Variants in MICAL2 observed in about 807,000 individuals in gnomAD.
The protein encoded by MICAL2 is microtubule associated monooxygenase, calponin and LIM domain containing 2, also known as [F-actin]-monooxygenase MICAL2.
In MICAL2, 77 loss-of-function variants were observed where a neutral mutation model predicts 127.3. The observed-to-expected ratio is 0.60, with a 90% CI of 0.50 to 0.73. MICAL2 has a LOEUF of 0.73. MICAL2 is among the 30% of genes least tolerant of loss of function. The pLI is 0.00. For synonymous variants in MICAL2, 570 were observed against 551.1 expected (o/e 1.03, Z -0.48); for missense variants, 1,351 against 1,434.4 (o/e 0.94, Z 0.94).
In MICAL2 at chr11:12,169,178, T is replaced by C. The variant is rs112851376; in HGVS notation, c.264+6759T>C. The stretch of plus-strand genomic sequence containing the variant: ...TCTGCATGTTTGTGGATGTGTGTTA[T>C]GGATGCATGCACTGCCCCCTTTATT... On this transcript the variant is annotated intron_variant, in intron 3 of 27. Coordinates refer to ENST00000683283, the MANE Select transcript of MICAL2 (RefSeq NM_001282663.2). Among the ~76,000 whole-genome samples the C allele has an allele frequency of 2.9e-3, 444 of 152,184 alleles. 2 individuals carry two copies. The highest frequency in any genetic ancestry group is 0.01 in the African/African-American group (418 of 41,518).
chr11:12,194,540 T>G (rs908811657), intron 3 of MICAL2, among the ~76,000 whole-genome samples: 1 of 152,242 alleles, frequency 6.6e-6, no homozygotes, highest in African/African-American at 2.4e-5. Context: ...TTTCCCCACA[T>G]GTAGGTTACA....
At position 12,204,237 on chromosome 11, in the gene MICAL2, C is replaced by A. The variant is rs111757719; in HGVS notation, c.265-13C>A. 1 of 1,612,792 alleles carries A rather than the reference C, an allele frequency of 6.2e-7. No individual in the cohort carries two copies. Among genetic ancestry groups the A allele is most frequent in the Non-Finnish European group, 8.5e-7 (1 of 1,178,886 alleles). ...AGGTTACCAAGAGTCTCTCTCCTCTCTCACCTCTGCAGTGTCTCATAGTTG... is the reference window on the plus strand; with the variant it reads ...AGGTTACCAAGAGTCTCTCTCCTCTATCACCTCTGCAGTGTCTCATAGTTG... On this transcript the variant is annotated splice_polypyrimidine_tract_variant and intron_variant, in intron 3 of 27. Coordinates refer to ENST00000683283, the MANE Select transcript of MICAL2 (RefSeq NM_001282663.2).
In MICAL2 at chr11:12,208,106, G is replaced by A; in HGVS notation, c.556G>A (p.Val186Ile). ...EIHVNVEFVKVLEPPEDQENQ... is the reference protein window; with the variant it reads ...EIHVNVEFVKILEPPEDQENQ... ...CCATGTGAATGTGGAGTTCGTGAAG[G>A]TTCTAGAGCCTCCTGAAGATCAAGA... is the stretch of plus-strand genomic sequence containing the variant. Residue 186 changes from valine (V) to isoleucine (I), a missense_variant, in exon 5 of 28, where the codon GTT becomes ATT. Physicochemically the swap from Val to Ile is conservative, Grantham distance 29. Coordinates refer to ENST00000683283, the MANE Select transcript of MICAL2 (RefSeq NM_001282663.2). 6.2e-7 allele frequency: 1 copy of A among 1,614,076 alleles called. No homozygotes were observed. The highest frequency in any genetic ancestry group is 8.5e-7 in the Non-Finnish European group (1 of 1,179,940).
chr11:12,179,981 C>T (rs772156621), intron 3 of MICAL2, among the ~76,000 whole-genome samples: 1 of 152,196 alleles, frequency 6.6e-6, no homozygotes, highest in African/African-American at 2.4e-5. Flanking sequence ...AGCTCTGTTT[C>T]GTCTTCTGTT....
At chr11:12,360,184 AC>A (rs1385628068), downstream of MICAL2, among the ~76,000 whole-genome samples, 2 of 60,722 alleles carry the variant, frequency 3.3e-5, no homozygotes, top group African/African-American at 5.7e-5. Flanking sequence ...ATGAGGAGGC[AC>A]CTACCTACCT....
chr11:12,148,690 G>A (rs958102317), intron 2 of MICAL2, among the ~76,000 whole-genome samples: 3 of 152,214 alleles, frequency 2.0e-5, no homozygotes, highest in Non-Finnish European at 4.4e-5. Flanking sequence ...ACCAGGCCCC[G>A]GGGCTTGCAG....
chr11:12,209,434 G>C lies in MICAL2; in HGVS notation c.590-63G>C, dbSNP rs190585317. ...TCCATTTCTCATAGCCACCACACGG[G>C]GGGTATAATCATTCTCTTCCCACCT... On this transcript the variant is annotated intron_variant, in intron 5 of 27. Coordinates refer to ENST00000683283, the MANE Select transcript of MICAL2 (RefSeq NM_001282663.2). 564 of 1,284,062 alleles carry C rather than the reference G, an allele frequency of 4.4e-4. 6 individuals carry two copies. Among genetic ancestry groups the C allele is most frequent in the East Asian group, 6.9e-5 (3 of 43,356 alleles). The allele number at this position is 1,284,062 out of a possible 1,614,324, so 79.5% of individuals were successfully genotyped here.
At chr11:12,267,694 T>C (rs943492102), downstream of MICAL2, among the ~76,000 whole-genome samples, 1 of 152,186 alleles carries the variant, frequency 6.6e-6, no homozygotes. Context: ...CTTCACCTCC[T>C]GGATTCAAGT....
At chr11:12,116,714 G>A (rs545316134) in intron 1 of MICAL2, 9 of 152,296 alleles carry the variant, frequency 5.9e-5, no homozygotes, top group African/African-American at 2.2e-4. Flanking sequence ...TTTCTTTGCA[G>A]GATTGGGTCA....
intron 6 of MICAL2, 83 bp downstream of exon 6, chr11:12,209,681 A>G (rs1052994306): frequency 2.4e-6 from 3 of 1,250,422 alleles, no homozygotes; most frequent in Non-Finnish European, 3.5e-6. Flanking sequence ...GAAAGTGGGC[A>G]AGATGCAGAT....
chr11:12,138,158 G>T (rs939271621), intron 1 of MICAL2, among the ~76,000 whole-genome samples: 3 of 152,000 alleles, frequency 2.0e-5, no homozygotes, highest in African/African-American at 4.8e-5. Flanking sequence ...CCCTTAGGGT[G>T]CCCTGACTGC....
intron 32 of MICAL2, among the ~76,000 whole-genome samples, chr11:12,336,656 G>T (rs1938766418): frequency 6.6e-6 from 1 of 151,992 alleles, no homozygotes; most frequent in South Asian, 2.1e-4. Context: ...AGAGTTTTTA[G>T]CATGAAGGGT....
In MICAL2 at chr11:12,345,116, C is replaced by CAAAAAAA. The variant is rs796748173; in HGVS notation, c.5516-4717_5516-4711dup. On this transcript the variant is annotated intron_variant, in intron 32 of 34. Coordinates refer to the MICAL2 transcript ENST00000646065. ...GACAGAGCGAGACGAGAATCCATCT[C>CAAAAAAA]AAAAAAAAAAAGAAAAAAGAAAGAA... Among the ~76,000 whole-genome samples, 568 of 110,388 alleles carry CAAAAAAA rather than the reference C, an allele frequency of 5.1e-3. 8 individuals carry two copies. Among genetic ancestry groups the CAAAAAAA allele is most frequent in the African/African-American group, 0.019 (537 of 28,798 alleles). 72.4% of individuals were successfully genotyped at this position (110,388 alleles called of 152,430 possible).
intron 24 of MICAL2, among the ~76,000 whole-genome samples, chr11:12,269,712 C>T (rs893919713): frequency 6.6e-6 from 1 of 152,226 alleles, no homozygotes; most frequent in African/African-American, 2.4e-5. Context: ...AAGCTTGCAT[C>T]TTCCTCAGGT....
At chr11:12,304,611 G>T (rs1323930657) in intron 29 of MICAL2, among the ~76,000 whole-genome samples, 1 of 150,378 alleles carries the variant, frequency 6.6e-6, no homozygotes, top group Non-Finnish European at 1.5e-5. Context: ...CTCCAGCATG[G>T]GCAACAAGAG....
downstream of MICAL2, among the ~76,000 whole-genome samples, chr11:12,265,962 A>T (rs960579121): frequency 1.3e-5 from 2 of 152,038 alleles, no homozygotes; most frequent in Non-Finnish European, 2.9e-5. Flanking sequence ...CTAAAAAAAA[A>T]TTAGCTGGGC....
At chr11:12,289,655 G>A (rs919573222), downstream of MICAL2, among the ~76,000 whole-genome samples, 3 of 142,460 alleles carry the variant, frequency 2.1e-5, no homozygotes, top group African/African-American at 5.1e-5. Context: ...TGCAATCTCC[G>A]CCTCCCAGGT....
At chr11:12,283,116 G>A (rs1364277237) in intron 2 of MICAL2, among the ~76,000 whole-genome samples, 1 of 152,224 alleles carries the variant, frequency 6.6e-6, no homozygotes, top group Admixed American at 6.5e-5. Context: ...GGACCACATT[G>A]TACAGTTAAG....
chr11:12,198,034 G>T (rs1860168140), intron 3 of MICAL2, among the ~76,000 whole-genome samples: 1 of 152,222 alleles, frequency 6.6e-6, no homozygotes, highest in South Asian at 2.1e-4. Context: ...TGTCAAGTCA[G>T]ATGAGATGTA....
Sources: allele counts gnomAD v4.1 joint callset (sites outside exome capture counted in the v4.1 genomes callset), GRCh38; gene constraint gnomAD v4.1.1; transcripts MANE v1.5; gene names NCBI Gene and HGNC (gene_info 2026-07-23, HGNC 2026-07-21).